Variants in XKR4 observed in about 807,000 individuals in gnomAD.
XKR4 encodes the protein XK-related protein 4.
XKR4 carries 12 observed loss-of-function variants against 53.9 expected under a neutral mutation model. The observed-to-expected ratio is 0.22, with a 90% confidence interval of 0.14 to 0.36. The LOEUF (loss-of-function observed/expected upper bound fraction) is 0.36. XKR4 is among the 10% of genes least tolerant of loss of function. The pLI, the probability that XKR4 is intolerant of heterozygous loss-of-function variation, is 1.00. For missense variants in XKR4, 799 were observed against 859.5 expected (o/e 0.93, Z 0.88); for synonymous variants, 354 against 362.4 (o/e 0.98, Z 0.26).
chr8:55,487,555 C>T (rs947363424), intron 2 of XKR4, among the ~76,000 whole-genome samples: 2 of 152,074 alleles, frequency 1.3e-5, no homozygotes, highest in African/African-American at 4.8e-5. Flanking sequence ...CAACCTCTGC[C>T]TCCCAGGGTC....
At chr8:55,404,932 C>T (rs1356111934) in intron 2 of XKR4, among the ~76,000 whole-genome samples, 3 of 152,174 alleles carry the variant, frequency 2.0e-5, no homozygotes, top group Admixed American at 6.5e-5. Flanking sequence ...GCACGGATTA[C>T]GTCTTTGATG....
At chr8:55,379,506 C>A (rs932080682) in intron 2 of XKR4, among the ~76,000 whole-genome samples, 1 of 152,212 alleles carries the variant, frequency 6.6e-6, no homozygotes, top group Non-Finnish European at 1.5e-5. Flanking sequence ...CTACTGTGGG[C>A]AAGTCCCATG....
At chr8:55,369,600 A>C (rs985241388) in intron 2 of XKR4, among the ~76,000 whole-genome samples, 4 of 151,786 alleles carry the variant, frequency 2.6e-5, no homozygotes, top group African/African-American at 9.7e-5. Flanking sequence ...GAGAATAAAA[A>C]TCTTGCCCCT....
At chr8:55,350,082 C>T (rs891343036) in intron 1 of XKR4, among the ~76,000 whole-genome samples, 5 of 152,100 alleles carry the variant, frequency 3.3e-5, no homozygotes, top group Admixed American at 3.3e-4. Context: ...TTTTAACCTG[C>T]CTTTTGCCTT....
At chr8:55,403,860 T>C (rs1301520689) in intron 2 of XKR4, among the ~76,000 whole-genome samples, 2 of 152,172 alleles carry the variant, frequency 1.3e-5, no homozygotes, top group Non-Finnish European at 2.9e-5. Context: ...ATAAAAAGCT[T>C]TATGGTGTTC....
rs561265661 is a variant in XKR4, at chr8:55,453,802, G to A, written c.1007-69479G>A. 124 of 448,958 alleles carry A rather than the reference G, an allele frequency of 2.8e-4. 4 individuals carry two copies. Among genetic ancestry groups the A allele is most frequent in the South Asian group, 2.1e-3 (111 of 54,020 alleles). The allele number at this position is 448,958 out of a possible 1,614,324, so 27.8% of individuals were successfully genotyped here. A position where few individuals can be genotyped will look rare whatever the true frequency, so the allele number is the denominator to read the frequency against. On this transcript the variant is annotated intron_variant, in intron 2 of 2. Transcript: ENST00000327381. ...CTTGGATGTGATGCAGGACTCATTGGGGGTGGTTCTCATCCACCCACCTCT... is the reference window on the plus strand; with the variant it reads ...CTTGGATGTGATGCAGGACTCATTGAGGGTGGTTCTCATCCACCCACCTCT...
intron 1 of XKR4, among the ~76,000 whole-genome samples, chr8:55,143,670 C>G (rs1027741944): frequency 6.6e-6 from 1 of 152,208 alleles, no homozygotes; most frequent in Non-Finnish European, 1.5e-5. Flanking sequence ...GAAACACACA[C>G]ACTTGGTGGT....
Position 55,409,001 on chromosome 8 carries a change from C to T in XKR4, c.1006+51124C>T, listed in dbSNP as rs561186619. ...CAGCCTGGACGACAGAGCAAGACTC[C>T]GTCTCAAAAAAAAAAAAAAAAAAAG... On this transcript the variant is annotated intron_variant, in intron 2 of 2. Coordinates refer to ENST00000327381, the MANE Select transcript of XKR4 (RefSeq NM_052898.2). Among the ~76,000 whole-genome samples, 135 of 136,106 alleles carry T rather than the reference C, an allele frequency of 9.9e-4. 1 individual carries two copies. Among genetic ancestry groups the T allele is most frequent in the African/African-American group, 4.0e-3 (129 of 32,050 alleles). The allele number at this position is 136,106 out of a possible 152,430, so 89.3% of individuals were successfully genotyped here.
At chr8:55,380,942 T>C (rs1161822009) in intron 2 of XKR4, among the ~76,000 whole-genome samples, 2 of 152,256 alleles carry the variant, frequency 1.3e-5, no homozygotes, top group Non-Finnish European at 2.9e-5. Flanking sequence ...TTTATTTCAG[T>C]TTATAAAATG....
In XKR4 at chr8:55,488,665, C is replaced by G. The variant is rs538914666; in HGVS notation, c.1007-34616C>G. Among the ~76,000 whole-genome samples the G allele has an allele frequency of 6.8e-3, 72 of 10,532 alleles. 32 individuals carry two copies. The African/African-American group carries it at 0.1, about 15-fold the overall frequency. The allele number at this position is 10,532 out of a possible 152,430, so 6.9% of individuals were successfully genotyped here. ...AATAAAAAGACCAATGGTGGCCGGG[C>G]GCGGTGGCTCACGCCTGTAATCCCA... On this transcript the variant is annotated intron_variant, in intron 2 of 2. Coordinates refer to ENST00000327381, the MANE Select transcript of XKR4 (RefSeq NM_052898.2).
intron 1 of XKR4, among the ~76,000 whole-genome samples, chr8:55,146,810 G>T (rs185930263): frequency 6.6e-6 from 1 of 152,202 alleles, no homozygotes; most frequent in Non-Finnish European, 1.5e-5. Flanking sequence ...CAAATGAAAG[G>T]TGGGACTGGC....
chr8:55,353,935 AAAG>A (rs1803762590), intron 1 of XKR4, among the ~76,000 whole-genome samples: 1 of 152,244 alleles, frequency 6.6e-6, no homozygotes, highest in Non-Finnish European at 1.5e-5. Flanking sequence ...GGGAATGATT[AAAG>A]CCATTTTGTG....
chr8:55,355,455 C>T (rs1371668645), intron 1 of XKR4, among the ~76,000 whole-genome samples: 1 of 152,108 alleles, frequency 6.6e-6, no homozygotes. Context: ...ATACTGAATG[C>T]TATCATTCAA....
chr8:55,127,577 T>A (rs1023004659), intron 1 of XKR4, among the ~76,000 whole-genome samples: 8 of 150,598 alleles, frequency 5.3e-5, no homozygotes, highest in Non-Finnish European at 7.4e-5. Context: ...TTTTTTTTTT[T>A]AATTTTATTT....
At chr8:55,462,567 T>G (rs1452672931) in intron 2 of XKR4, among the ~76,000 whole-genome samples, 1 of 152,096 alleles carries the variant, frequency 6.6e-6, no homozygotes, top group Non-Finnish European at 1.5e-5. Context: ...CTGCATCAAC[T>G]AACGAGCAAA....
In XKR4 at chr8:55,165,602, T is replaced by A. The variant is rs558601149; in HGVS notation, c.806+62308T>A. Among the ~76,000 whole-genome samples, 51 of 152,092 alleles carry A rather than the reference T, an allele frequency of 3.4e-4. 1 individual carries two copies. In the South Asian group the frequency reaches 0.01, roughly 30 times the overall value. Reference sequence around the variant, plus strand: ...GCGAAGAGGGGTTTCAAACTCTTAGTGACTTAAAATCTTCATCTCTTCATC... The same window carrying A: ...GCGAAGAGGGGTTTCAAACTCTTAGAGACTTAAAATCTTCATCTCTTCATC... On this transcript the variant is annotated intron_variant, in intron 1 of 2. Coordinates refer to ENST00000327381, the MANE Select transcript of XKR4 (RefSeq NM_052898.2).
chr8:55,173,769 T>A (rs1010384181), intron 1 of XKR4, among the ~76,000 whole-genome samples: 2 of 152,216 alleles, frequency 1.3e-5, no homozygotes, highest in Non-Finnish European at 1.5e-5. Flanking sequence ...CTGCATTTCT[T>A]ACTTATCTCC....
intron 1 of XKR4, among the ~76,000 whole-genome samples, chr8:55,106,591 G>A (rs1304202288): frequency 6.6e-6 from 1 of 152,118 alleles, no homozygotes; most frequent in South Asian, 2.1e-4. Flanking sequence ...TTCCCTAAGA[G>A]AACAGTTTTT....
intron 1 of XKR4, among the ~76,000 whole-genome samples, chr8:55,249,464 C>G (rs774418191): frequency 6.6e-6 from 1 of 152,156 alleles, no homozygotes; most frequent in Non-Finnish European, 1.5e-5. Context: ...TTCTCATGAT[C>G]GACCCTGTCC....
Sources: allele counts gnomAD v4.1 joint callset (sites outside exome capture counted in the v4.1 genomes callset), GRCh38; gene constraint gnomAD v4.1.1; transcripts MANE v1.5; gene names NCBI Gene and HGNC (gene_info 2026-07-23, HGNC 2026-07-21).